The following SGSM1 variants were observed in gnomAD, a reference collection of about 807,000 sequenced individuals.
SGSM1 encodes RUN and TBC1 domain containing 2.
SGSM1 carries 73 observed loss-of-function variants against 133.8 expected under a neutral mutation model. The observed-to-expected ratio is 0.55, with a 90% confidence interval of 0.45 to 0.66. SGSM1 has a LOEUF of 0.66. SGSM1 is among the 30% of genes least tolerant of loss of function. The pLI is 0.00. For synonymous variants in SGSM1, 563 were observed against 573.0 expected (o/e 0.98, Z 0.25); for missense variants, 1,213 against 1,448.1 (o/e 0.84, Z 2.64).
intron 8 of SGSM1, among the ~76,000 whole-genome samples, chr22:24,857,025 C>T (rs1443078299): frequency 6.6e-6 from 1 of 152,010 alleles, no homozygotes; most frequent in Non-Finnish European, 1.5e-5. Flanking sequence ...GCTTTGGCCT[C>T]CCAAAGTGCT....
intron 20 of SGSM1, among the ~76,000 whole-genome samples, chr22:24,904,516 C>T (rs1423727105): frequency 6.7e-6 from 1 of 150,100 alleles, no homozygotes; most frequent in Middle Eastern, 3.5e-3. Flanking sequence ...GGGGGCGGAG[C>T]CTGCAGTGAG....
At chr22:24,833,698 G>A (rs1196082047) in intron 2 of SGSM1, among the ~76,000 whole-genome samples, 3 of 152,140 alleles carry the variant, frequency 2.0e-5, no homozygotes, top group Non-Finnish European at 4.4e-5. Flanking sequence ...TGGAGGTGAA[G>A]GGAACACAGT....
At chr22:24,848,705 G>A (rs1319900247) in intron 4 of SGSM1, among the ~76,000 whole-genome samples, 2 of 152,368 alleles carry the variant, frequency 1.3e-5, no homozygotes, top group East Asian at 1.9e-4. Flanking sequence ...CTGTGATTGG[G>A]CGTTCTGGGG....
intron 23 of SGSM1, 61 bp from the exon 24 acceptor site, chr22:24,919,765 C>A (rs572249358): frequency 1.9e-6 from 3 of 1,593,986 alleles, no homozygotes; most frequent in Non-Finnish European, 2.6e-6. Context: ...CTTCCCAAGG[C>A]AGGGCAACAC....
intron 13 of SGSM1, 81 bp from the exon 14 acceptor site, chr22:24,879,381 A>G (rs756783717): frequency 7.4e-7 from 1 of 1,354,014 alleles, no homozygotes; most frequent in African/African-American, 1.4e-5. Flanking sequence ...CCCTCTAGAG[A>G]TAGCACGTGG....
chr22:24,851,756 G>A (rs1601922164), intron 5 of SGSM1, among the ~76,000 whole-genome samples: 1 of 152,228 alleles, frequency 6.6e-6, no homozygotes, highest in African/African-American at 2.4e-5. Flanking sequence ...CCTGGATGGC[G>A]CAACGGTTAA....
chr22:24,861,130 A>G (rs1182856853), intron 9 of SGSM1, among the ~76,000 whole-genome samples: 1 of 149,132 alleles, frequency 6.7e-6, no homozygotes, highest in East Asian at 2.0e-4. Flanking sequence ...TGAGGCAGGT[A>G]GATCATGAGG....
At chr22:24,869,435 A>T (rs149845026) in intron 12 of SGSM1, among the ~76,000 whole-genome samples, 1,871 of 152,222 alleles carry the variant, frequency 0.012, 41 homozygotes, top group African/African-American at 0.043. Flanking sequence ...TGGGAGGATC[A>T]CCTGAGCCTG....
intron 2 of SGSM1, among the ~76,000 whole-genome samples, chr22:24,830,673 G>A (rs181552274): frequency 1.7e-5 from 1 of 58,712 alleles, no homozygotes; most frequent in East Asian, 3.3e-4. Context: ...CTGAAAGGCG[G>A]GAGGGAGAGG....
chr22:24,889,791 A>G lies in SGSM1; in HGVS notation c.1770+3063A>G, dbSNP rs182989691. On this transcript the variant is annotated intron_variant, in intron 16 of 24. Transcript: ENST00000400358. Reference sequence around the variant, plus strand: ...CAGCCTCCCAAATAGCTGGGACTACAGGCGCCCGCCACCATGCCTGGCTAA... The same window carrying G: ...CAGCCTCCCAAATAGCTGGGACTACGGGCGCCCGCCACCATGCCTGGCTAA... Among the ~76,000 whole-genome samples the G allele has an allele frequency of 5.9e-3, 888 of 149,286 alleles. 9 individuals carry two copies. The highest frequency in any genetic ancestry group is 0.02 in the African/African-American group (814 of 40,476).
At chr22:24,830,776 A>G (rs971993934) in intron 2 of SGSM1, among the ~76,000 whole-genome samples, 4 of 77,224 alleles carry the variant, frequency 5.2e-5, no homozygotes, top group Non-Finnish European at 8.9e-5. Flanking sequence ...TGCCTCCAGT[A>G]GTTGGGGAAG....
intron 1 of SGSM1, 33 bp from the exon 2 acceptor site, chr22:24,806,408 G>A: frequency 6.6e-7 from 1 of 1,521,834 alleles, no homozygotes; most frequent in Non-Finnish European, 8.8e-7. Flanking sequence ...CCCTCTCTCG[G>A]CTGACCCGCG....
intron 2 of SGSM1, among the ~76,000 whole-genome samples, chr22:24,836,619 G>GT (rs1258392936): frequency 6.6e-6 from 1 of 152,158 alleles, no homozygotes; most frequent in Non-Finnish European, 1.5e-5. Flanking sequence ...CTTACTTTCT[G>GT]TTTTTTCATA....
intron 19 of SGSM1, among the ~76,000 whole-genome samples, chr22:24,900,389 TTCTTTCTTTCTTTCTTTCTG>T (rs1569170993): frequency 1.4e-5 from 1 of 71,530 alleles, no homozygotes; most frequent in Admixed American, 1.4e-4. Flanking sequence ...CTTTCTTTCT[TTCTTTCTTTCTTTCTTTCTG>T]TATTTTTGAG....
chr22:24,806,249 CA>C lies in SGSM1; in HGVS notation c.-76del, dbSNP rs2147769198. On this transcript the variant is annotated 5_prime_UTR_variant, in exon 1 of 25. Transcript: ENST00000400358. ...CCCCGCCCCGCCGCGGCTGCAGCAG[CA>C]GCGCCGCGGCCGGAGGAGCTACCGC... 1 of 1,338,142 alleles carries C rather than the reference CA, an allele frequency of 7.5e-7. No homozygotes were observed. Among genetic ancestry groups the C allele is most frequent in the Non-Finnish European group, 9.5e-7 (1 of 1,051,260 alleles). 82.9% of individuals were successfully genotyped at this position (1,338,142 alleles called of 1,614,324 possible).
At chr22:24,890,147 A>G (rs567798145) in intron 16 of SGSM1, among the ~76,000 whole-genome samples, 49 of 151,370 alleles carry the variant, frequency 3.2e-4, no homozygotes, top group South Asian at 1.5e-3. Context: ...TAGCAGAGAC[A>G]GGGTTTTACC....
At chr22:24,848,226 C>T (rs910236663) in intron 4 of SGSM1, among the ~76,000 whole-genome samples, 30 of 151,624 alleles carry the variant, frequency 2.0e-4, no homozygotes, top group African/African-American at 4.6e-4. Flanking sequence ...CTCAAGCATC[C>T]GGGCCAGTGT....
chr22:24,808,165 G>A (rs1179672496), intron 2 of SGSM1, among the ~76,000 whole-genome samples: 1 of 147,636 alleles, frequency 6.8e-6, no homozygotes, highest in South Asian at 2.2e-4. Context: ...CCAGGATAGA[G>A]TACAGTGGCA....
At position 24,860,922 on chromosome 22, in the gene SGSM1, AATATAT is replaced by A. The variant is rs1555926665; in HGVS notation, c.926+1104_926+1109del. ...TAAAAAAAAAAAAAAAAAAAAAAAAAATATATATATATATATATATATATATAATTT... is the reference window on the plus strand; with the variant it reads ...TAAAAAAAAAAAAAAAAAAAAAAAAAATATATATATATATATATATAATTT... On this transcript the variant is annotated intron_variant, in intron 9 of 24. Transcript: ENST00000400358. Among the ~76,000 whole-genome samples the A allele has an allele frequency of 2.7e-3, 103 of 37,602 alleles. 3 individuals carry two copies. Among genetic ancestry groups the A allele is most frequent in the Admixed American group, 0.011 (24 of 2,166 alleles). 24.7% of individuals were successfully genotyped at this position (37,602 alleles called of 152,430 possible).
Sources: gnomAD v4.1 joint callset for allele counts (sites outside exome capture counted in the v4.1 genomes callset) on GRCh38, gnomAD v4.1.1 for gene constraint, MANE v1.5 for transcripts, NCBI Gene and HGNC (gene_info 2026-07-23, HGNC 2026-07-21) for gene names.